Variants in CDC16 observed in about 807,000 individuals in gnomAD.
CDC16 encodes the protein cell division cycle protein 16 homolog.
In CDC16, 34 loss-of-function variants were observed where a neutral mutation model predicts 87.0. The observed-to-expected ratio is 0.39, with a 90% CI of 0.30 to 0.52. The LOEUF is 0.52. Ranked by LOEUF, CDC16 falls within the 20% of genes least tolerant of loss-of-function variation. CDC16 has a pLI of 0.74. For missense variants in CDC16, 653 were observed against 751.9 expected (o/e 0.87, Z 1.54); for synonymous variants, 263 against 260.6 (o/e 1.01, Z -0.09).
intron 9 of CDC16, among the ~76,000 whole-genome samples, chr13:114,245,211 A>G (rs2081795164): frequency 6.6e-6 from 1 of 151,048 alleles, no homozygotes; most frequent in Admixed American, 6.6e-5. Context: ...CTCAAATATC[A>G]TTTATGTTTC....
At chr13:114,235,621 A>G (rs999005081) in intron 1 of CDC16, among the ~76,000 whole-genome samples, 1 of 152,258 alleles carries the variant, frequency 6.6e-6, no homozygotes. Flanking sequence ...ACCTTTGAAT[A>G]GCAGAGAGCG....
At chr13:114,242,457 C>T (rs951099915) in intron 6 of CDC16, 177 bp downstream of exon 6, 2 of 587,418 alleles carry the variant, frequency 3.4e-6, no homozygotes, top group Admixed American at 3.3e-5. Context: ...TGTACGGTGC[C>T]TTGTGCTGTC....
intron 11 of CDC16, among the ~76,000 whole-genome samples, chr13:114,248,845 A>T (rs1401614203): frequency 1.3e-5 from 2 of 152,012 alleles, no homozygotes; most frequent in Admixed American, 6.6e-5. Flanking sequence ...TAGAAAGATG[A>T]TTAGTATTGT....
intron 17 of CDC16, among the ~76,000 whole-genome samples, chr13:114,266,852 C>T (rs1928035): frequency 0.037 from 5,645 of 152,078 alleles, 141 homozygotes; most frequent in Non-Finnish European, 0.051. Flanking sequence ...CCCATCACCA[C>T]GCCCGGCTAA....
At position 114,236,634 on chromosome 13, in the gene CDC16, TTG is replaced by T; in HGVS notation, c.49-10_49-9del. On this transcript the variant is annotated splice_polypyrimidine_tract_variant and intron_variant, in intron 1 of 17. Coordinates refer to ENST00000356221, the MANE Select transcript of CDC16 (RefSeq NM_001078645.3). Reference sequence around the variant, plus strand: ...GGGCAGTTACCACCTTTTTTTTTTTTTGGTATGCAGCAACAGTATCAAAGTGC... The same window carrying T: ...GGGCAGTTACCACCTTTTTTTTTTTTGTATGCAGCAACAGTATCAAAGTGC... The T allele has an allele frequency of 6.2e-7, 1 of 1,606,858 alleles. No homozygotes were observed. Among genetic ancestry groups the T allele is most frequent in the South Asian group, 1.1e-5 (1 of 88,774 alleles).
At chr13:114,247,881 AAATAAT>A (rs948056740) in intron 11 of CDC16, among the ~76,000 whole-genome samples, 22 of 152,280 alleles carry the variant, frequency 1.4e-4, no homozygotes, top group African/African-American at 4.6e-4. Flanking sequence ...TGTCTCAAAA[AAATAAT>A]AATAATAATT....
chr13:114,238,049 G>A (rs1346953700), intron 3 of CDC16, among the ~76,000 whole-genome samples: 1 of 141,694 alleles, frequency 7.1e-6, no homozygotes, highest in South Asian at 2.1e-4. Context: ...GTCACGTGGT[G>A]CTGCTGTGAG....
chr13:114,246,813 A>T (rs915638924), intron 10 of CDC16, 118 bp from the exon 11 acceptor site: 2 of 705,856 alleles, frequency 2.8e-6, no homozygotes, highest in Non-Finnish European at 5.2e-6. Context: ...TGTCTAACTT[A>T]ACTAGAATAT....
rs1566646317 is a variant in CDC16, at chr13:114,244,976, C to T, written c.847+7C>T. The T allele has an allele frequency of 4.6e-6, 7 of 1,506,294 alleles. No homozygotes were observed. Among genetic ancestry groups the T allele is most frequent in the Non-Finnish European group, 6.4e-6 (7 of 1,097,676 alleles). 93.3% of individuals were successfully genotyped at this position (1,506,294 alleles called of 1,614,324 possible). A position where few individuals can be genotyped will look rare whatever the true frequency, so the allele number is the denominator to read the frequency against. ...GAGCTGAATAAAGCCAATGGTAAGACTTTTTTTTAAATTAAAGTAATTCTT... is the reference window on the plus strand; with the variant it reads ...GAGCTGAATAAAGCCAATGGTAAGATTTTTTTTTAAATTAAAGTAATTCTT... On this transcript the variant is annotated splice_region_variant and intron_variant, in intron 9 of 17. Transcript: ENST00000356221.
intron 17 of CDC16, among the ~76,000 whole-genome samples, chr13:114,271,500 A>C (rs1234588210): frequency 6.6e-6 from 1 of 151,674 alleles, no homozygotes; most frequent in Non-Finnish European, 1.5e-5. Context: ...TTTGAGATGG[A>C]ATCTCACTCT....
intron 12 of CDC16, among the ~76,000 whole-genome samples, chr13:114,252,644 C>CAA (rs34493717): frequency 4.0e-4 from 52 of 129,942 alleles, no homozygotes; most frequent in Non-Finnish European, 8.1e-4. Context: ...AATTTGTTAC[C>CAA]AAAAAAAAAA....
At chr13:114,262,783 A>G in intron 15 of CDC16, 96 bp from the exon 16 acceptor site, 2 of 1,212,594 alleles carry the variant, frequency 1.6e-6, no homozygotes, top group Non-Finnish European at 2.4e-6. Flanking sequence ...TCTCATTGAG[A>G]CAGCGTTTCT....
chr13:114,252,976 A>C (rs1410469459), intron 12 of CDC16, among the ~76,000 whole-genome samples: 1 of 152,186 alleles, frequency 6.6e-6, no homozygotes, highest in Non-Finnish European at 1.5e-5. Context: ...TTTACAAAAA[A>C]AAAATTTAAA....
At chr13:114,243,712 AT>A (rs1738242136) in intron 7 of CDC16, 143 bp from the exon 8 acceptor site, 7 of 618,388 alleles carry the variant, frequency 1.1e-5, no homozygotes, top group Non-Finnish European at 1.9e-5. Context: ...AGGAGTACTT[AT>A]AAAACCTAAA....
Position 114,234,969 on chromosome 13 carries a change from T to G in CDC16, c.-116T>G, listed in dbSNP as rs1489480123. 7.1e-6 allele frequency: 5 copies of G among 699,758 alleles called. No individual in the cohort carries two copies. Among genetic ancestry groups the G allele is most frequent in the Non-Finnish European group, 9.6e-6 (5 of 519,406 alleles). 43.3% of individuals were successfully genotyped at this position (699,758 alleles called of 1,614,324 possible). ...GGCCTTCGAGTCCGCGGCCTTCGAG[T>G]CCTGGGGCGGCGGCGGCGGCTGCAG... On this transcript the variant is annotated 5_prime_UTR_variant, in exon 1 of 18. Coordinates refer to ENST00000356221, the MANE Select transcript of CDC16 (RefSeq NM_001078645.3).
Position 114,235,010 on chromosome 13 carries a change from C to T in CDC16, c.-75C>T. ...GCGGCTGCAGGCACGGGCACGGGCACGGGGCGGGGTGCTTAGGGTGCAGGA... is the reference window on the plus strand; with the variant it reads ...GCGGCTGCAGGCACGGGCACGGGCATGGGGCGGGGTGCTTAGGGTGCAGGA... On this transcript the variant is annotated 5_prime_UTR_variant, in exon 1 of 18. The change creates a new upstream start codon in the 5' untranslated region. Transcript: ENST00000356221. 2.6e-6 allele frequency: 3 copies of T among 1,167,024 alleles called. No homozygotes were observed. Among genetic ancestry groups the T allele is most frequent in the Non-Finnish European group, 3.2e-6 (3 of 924,976 alleles). The allele number at this position is 1,167,024 out of a possible 1,614,324, so 72.3% of individuals were successfully genotyped here. A position where few individuals can be genotyped will look rare whatever the true frequency, so the allele number is the denominator to read the frequency against.
intron 12 of CDC16, 40 bp downstream of exon 12, chr13:114,250,714 T>C: frequency 6.3e-7 from 1 of 1,598,086 alleles, no homozygotes; most frequent in Non-Finnish European, 8.5e-7. Context: ...TGAAGGGATG[T>C]TTTTCCTAAT....
chr13:114,257,292 C>T lies in CDC16; in HGVS notation c.1250+62C>T, dbSNP rs956559218. The T allele has an allele frequency of 2.1e-5, 22 of 1,027,344 alleles. No homozygotes were observed. In the African/African-American group the frequency reaches 2.8e-4, roughly 13 times the overall value. The allele number at this position is 1,027,344 out of a possible 1,614,324, so 63.6% of individuals were successfully genotyped here. A position where few individuals can be genotyped will look rare whatever the true frequency, so the allele number is the denominator to read the frequency against. On this transcript the variant is annotated intron_variant, in intron 13 of 17. Transcript: ENST00000356221. Reference sequence around the variant, plus strand: ...AGTGATTGTAAATACAGTAGGTGATCACTAGAGTTCACTGACAAAAGCGAC... The same window carrying T: ...AGTGATTGTAAATACAGTAGGTGATTACTAGAGTTCACTGACAAAAGCGAC...
rs778181782 is a variant in CDC16 at position 114,262,899 on chromosome 13, A to G, written c.1397A>G (p.Asp466Gly). 7 of 1,614,016 alleles carry G rather than the reference A, an allele frequency of 4.3e-6. No homozygotes were observed. The Admixed American group carries it at 8.3e-5, about 19-fold the overall frequency. The change falls in exon 16 of 18, where the codon GAT becomes GGT. Residue 466 changes from aspartate (D) to glycine (G), a missense_variant. Physicochemically the swap from Asp to Gly is moderately conservative, Grantham distance 94. Coordinates refer to ENST00000356221, the MANE Select transcript of CDC16 (RefSeq NM_001078645.3). ...RKLKKYAEAL[D>G]YHRQALVLIP... ...CACAGAAAGTATGCTGAGGCCTTGG[A>G]TTACCACCGTCAGGCACTGGTGTTG...
Sources: gnomAD v4.1 joint callset for allele counts (sites outside exome capture counted in the v4.1 genomes callset) on GRCh38, gnomAD v4.1.1 for gene constraint, MANE v1.5 for transcripts, NCBI Gene and HGNC (gene_info 2026-07-23, HGNC 2026-07-21) for gene names.